Variants in WSCD1 observed in about 807,000 individuals in gnomAD.
WSCD1 encodes sialate:O-sulfotransferase 1.
Under a neutral mutation model 60.4 loss-of-function variants are expected in WSCD1, and 41 were observed. That is an observed-to-expected ratio of 0.68 (90% CI 0.53 to 0.88). The LOEUF is 0.88. Among genes scored for constraint, WSCD1 ranks in the 40% least tolerant of loss-of-function variants. The probability of loss-of-function intolerance (pLI) is 0.00; values close to 1 mark genes in which losing one functional copy is unlikely to be tolerated. For missense variants in WSCD1, 784 were observed against 796.2 expected, an observed-to-expected ratio of 0.98 and a Z score of 0.18; for synonymous variants, 361 against 332.5, an observed-to-expected ratio of 1.09 and a Z score of -0.93.
chr17:6,085,181 C>T (rs1909552814), intron 2 of WSCD1, among the ~76,000 whole-genome samples: 1 of 152,142 alleles, frequency 6.6e-6, no homozygotes, highest in Non-Finnish European at 1.5e-5. Flanking sequence ...TTTATTTGGA[C>T]ATCTGTTATG....
chr17:6,088,232 A>C (rs911077525), intron 3 of WSCD1, 128 bp downstream of exon 3: 1 of 759,050 alleles, frequency 1.3e-6, no homozygotes, highest in African/African-American at 1.7e-5. Context: ...CTCAGATCCC[A>C]GTTTTCCAGA....
At chr17:6,077,887 A>G (rs970657229) in intron 1 of WSCD1, 1 of 152,190 alleles carries the variant, frequency 6.6e-6, no homozygotes, top group African/African-American at 2.4e-5. Flanking sequence ...TTGTGAGCAG[A>G]CCTGGAGACC....
At position 6,118,238 on chromosome 17, in the gene WSCD1, G is replaced by A; in HGVS notation, c.1375+50G>A. On this transcript the variant is annotated intron_variant, in intron 8 of 8. Transcript: ENST00000317744. The surrounding 1 kb of genome is among the most constrained non-coding windows in gnomAD (Gnocchi z 5.8). Reference sequence around the variant, plus strand: ...GTGGGAGGCTTGTCAGTACAGGTAGGTTGCTCATCAGGATGCAGGATCAAT... The same window carrying A: ...GTGGGAGGCTTGTCAGTACAGGTAGATTGCTCATCAGGATGCAGGATCAAT... 1.3e-6 allele frequency: 2 copies of A among 1,589,764 alleles called. No homozygotes were observed. The highest frequency in any genetic ancestry group is 1.7e-6 in the Non-Finnish European group (2 of 1,165,748).
chr17:6,119,384 G>A (rs1001128671), intron 8 of WSCD1, among the ~76,000 whole-genome samples: 7 of 152,368 alleles, frequency 4.6e-5, no homozygotes, highest in Non-Finnish European at 8.8e-5. Flanking sequence ...CTCGAGGCAT[G>A]CACAGCTGAG....
Position 6,124,416 on chromosome 17 carries a change from T to C in WSCD1, c.*3755T>C, listed in dbSNP as rs1004448763. 1 of 152,204 alleles carries C rather than the reference T, an allele frequency of 6.6e-6. No homozygotes were observed. Among genetic ancestry groups the C allele is most frequent in the Non-Finnish European group, 1.5e-5 (1 of 68,032 alleles). The allele number at this position is 152,204 out of a possible 1,614,324, so 9.4% of individuals were successfully genotyped here. A position where few individuals can be genotyped will look rare whatever the true frequency, so the allele number is the denominator to read the frequency against. ...TTGTTATATGAGCTAATAAATTCTGTTTATTGTTTAAGTTGGGTTGAGTTT... is the reference window on the plus strand; with the variant it reads ...TTGTTATATGAGCTAATAAATTCTGCTTATTGTTTAAGTTGGGTTGAGTTT... On this transcript the variant is annotated 3_prime_UTR_variant, in exon 9 of 9. Coordinates refer to ENST00000317744, the MANE Select transcript of WSCD1 (RefSeq NM_015253.2).
Position 6,120,468 on chromosome 17 carries a change from T to A in WSCD1, c.1535T>A (p.Val512Glu). ...ATGGTGGCCTTCCTCAACGTGTCTG[T>A]GAGCGAGGAGCGGCTGCTCTGCGTG... is the stretch of plus-strand genomic sequence containing the variant. ...REMVAFLNVSVSEERLLCVEN... is the reference protein window; with the variant it reads ...REMVAFLNVSESEERLLCVEN... Residue 512 changes from valine to glutamate, a missense_variant, in exon 9 of 9, where the codon GTG (valine) becomes GAG (glutamate). By Grantham distance (121) the Val-to-Glu change is moderately radical (BLOSUM62 -2). Coordinates refer to ENST00000317744, the MANE Select transcript of WSCD1 (RefSeq NM_015253.2). 1 of 1,614,012 alleles carries A rather than the reference T, an allele frequency of 6.2e-7. No individual in the cohort carries two copies. The highest frequency in any genetic ancestry group is 8.5e-7 in the Non-Finnish European group (1 of 1,179,976).
chr17:6,100,803 G>A (rs1910754529), intron 5 of WSCD1, among the ~76,000 whole-genome samples: 1 of 152,162 alleles, frequency 6.6e-6, no homozygotes, highest in East Asian at 1.9e-4. Flanking sequence ...ATCACCCCTG[G>A]TTGAGAACCA....
chr17:6,112,836 G>A (rs1215800295), intron 7 of WSCD1, among the ~76,000 whole-genome samples: 2 of 152,110 alleles, frequency 1.3e-5, no homozygotes, highest in East Asian at 1.9e-4. Flanking sequence ...TTTATGGATT[G>A]GAAGAATTAA....
At chr17:6,120,242 C>G (rs1380370013) in intron 8 of WSCD1, 67 bp from the exon 9 acceptor site, 27 of 1,540,984 alleles carry the variant, frequency 1.8e-5, no homozygotes, top group Non-Finnish European at 2.4e-5. Flanking sequence ...CCCGAGCAGC[C>G]CCCCGGGGAC....
chr17:6,088,884 G>A (rs1298177403), intron 3 of WSCD1, among the ~76,000 whole-genome samples: 1 of 150,996 alleles, frequency 6.6e-6, no homozygotes, highest in African/African-American at 2.4e-5. Context: ...CTGGGTTCAC[G>A]CCATTCGCCT....
intron 1 of WSCD1, among the ~76,000 whole-genome samples, chr17:6,072,102 T>C (rs1567547269): frequency 1.3e-5 from 2 of 152,216 alleles, no homozygotes; most frequent in African/African-American, 2.4e-5. Context: ...AAAAATGCCT[T>C]CTTCTGGGGT....
chr17:6,104,092 T>G (rs1216107109), intron 5 of WSCD1, among the ~76,000 whole-genome samples: 1 of 151,950 alleles, frequency 6.6e-6, no homozygotes, highest in Non-Finnish European at 1.5e-5. Context: ...CCAATCATGG[T>G]AGAAGGTGAA....
upstream of WSCD1, among the ~76,000 whole-genome samples, chr17:6,069,505 C>T (rs1908394330): frequency 6.7e-6 from 1 of 148,976 alleles, no homozygotes; most frequent in Non-Finnish European, 1.5e-5. Context: ...TTAGTAGACA[C>T]CAGTGTGTGA....
chr17:6,121,147 C>T lies in WSCD1; in HGVS notation c.*486C>T. On this transcript the variant is annotated 3_prime_UTR_variant, in exon 9 of 9. Coordinates refer to ENST00000317744, the MANE Select transcript of WSCD1 (RefSeq NM_015253.2). ...CGTCAGGGTGTTCGACTCTGGGATG[C>T]TGGGCCGGGCAGACATTTATGCTCT... 1 of 170,526 alleles carries T rather than the reference C, an allele frequency of 5.9e-6. No homozygotes were observed. Among genetic ancestry groups the T allele is most frequent in the Non-Finnish European group, 1.3e-5 (1 of 79,768 alleles). The allele number at this position is 170,526 out of a possible 1,614,324, so 10.6% of individuals were successfully genotyped here.
At chr17:6,098,163 G>GA (rs386385525) in intron 5 of WSCD1, among the ~76,000 whole-genome samples, 1 of 146,828 alleles carries the variant, frequency 6.8e-6, no homozygotes, top group Non-Finnish European at 1.5e-5. Flanking sequence ...GGGTGGGGGG[G>GA]GTCTCACCAA....
chr17:6,085,621 C>T (rs184621896), intron 2 of WSCD1, among the ~76,000 whole-genome samples: 5 of 152,258 alleles, frequency 3.3e-5, no homozygotes, highest in Admixed American at 1.3e-4. Context: ...TGTACAGCCA[C>T]GTGCAGTCTC....
chr17:6,109,870 T>G, intron 6 of WSCD1, 104 bp downstream of exon 6: 5 of 1,436,730 alleles, frequency 3.5e-6, no homozygotes, highest in East Asian at 2.3e-5. Context: ...AGTTATGAGG[T>G]ATGGCATGTG....
intron 4 of WSCD1, among the ~76,000 whole-genome samples, chr17:6,094,563 GGAAGGAAAAGGAAGGA>G (rs1238908582): frequency 2.7e-5 from 4 of 150,242 alleles, no homozygotes; most frequent in Admixed American, 1.3e-4. Flanking sequence ...AAGGAAGGAA[GGAAGGAAAAGGAAGGA>G]GAAGGAAGGG....
intron 2 of WSCD1, among the ~76,000 whole-genome samples, chr17:6,086,250 C>CATATAT (rs61690560): frequency 0.029 from 2,851 of 98,186 alleles, 286 homozygotes; most frequent in Admixed American, 0.093. Flanking sequence ...GTCCTGACTT[C>CATATAT]ATATATATAT....
Sources: gnomAD v4.1 joint callset for allele counts (sites outside exome capture counted in the v4.1 genomes callset) on GRCh38, gnomAD v4.1.1 for gene constraint, Gnocchi (gnomAD v3.1) non-coding constraint, MANE v1.5 for transcripts, NCBI Gene and HGNC (gene_info 2026-07-23, HGNC 2026-07-21) for gene names.